The following KLRG1 variants were observed in gnomAD, a reference collection of about 807,000 sequenced individuals.
KLRG1 encodes the protein killer cell lectin-like receptor subfamily G member 1.
A neutral mutation model predicts 21.8 loss-of-function variants in KLRG1; 16 were observed. That is an observed-to-expected ratio of 0.73 (90% CI 0.50 to 1.11). The LOEUF (loss-of-function observed/expected upper bound fraction) is 1.11, where lower values mean the gene tolerates loss of function less well. Among genes scored for constraint, KLRG1 ranks in the 50% most tolerant of loss-of-function variants. The pLI is 0.00. For synonymous variants in KLRG1, 69 were observed against 75.9 expected (o/e 0.91, Z 0.47); for missense variants, 173 against 218.3 (o/e 0.79, Z 1.31).
the KLRG1 span, among the ~76,000 whole-genome samples, chr12:9,173,493 T>C: frequency 6.6e-6 from 1 of 151,926 alleles, no homozygotes; most frequent in Non-Finnish European, 1.5e-5. Context: ...CTGAAGGAGA[T>C]AGAGACATGA....
chr12:9,173,450 A>G, the KLRG1 span, among the ~76,000 whole-genome samples: 1,053 of 152,340 alleles, frequency 6.9e-3, 13 homozygotes, highest in African/African-American at 0.024. Context: ...CAAAGCTAGC[A>G]GAAGACAAGA....
chr12:9,184,709 G>C, the KLRG1 span, among the ~76,000 whole-genome samples: 1 of 152,208 alleles, frequency 6.6e-6, no homozygotes, highest in African/African-American at 2.4e-5. Flanking sequence ...TCCCTTCAGT[G>C]CAACATGTTC....
At chr12:9,052,635 G>A in the KLRG1 span, among the ~76,000 whole-genome samples, 9 of 152,266 alleles carry the variant, frequency 5.9e-5, no homozygotes, top group East Asian at 3.9e-4. Context: ...AGAGACAGCC[G>A]TCTCCTTCCT....
intron 1 of KLRG1, among the ~76,000 whole-genome samples, chr12:8,951,034 TA>T (rs3834490): frequency 0.37 from 55,602 of 148,406 alleles, 11,277 homozygotes; most frequent in Middle Eastern, 0.47. Flanking sequence ...GTTGCCCCAA[TA>T]AAAAAAAAAA....
the KLRG1 span, chr12:9,036,196 C>G: frequency 1.3e-5 from 2 of 152,222 alleles, no homozygotes; most frequent in Non-Finnish European, 2.9e-5. Context: ...TTAGAAGAAG[C>G]TAAGGTTAAT....
chr12:9,091,291 A>G, the KLRG1 span: 1 of 1,614,194 alleles, frequency 6.2e-7, no homozygotes, highest in East Asian at 2.2e-5. Context: ...TGAGCTCCAC[A>G]AAGAAGGGCT....
chr12:9,161,926 T>C, the KLRG1 span, among the ~76,000 whole-genome samples: 1 of 152,280 alleles, frequency 6.6e-6, no homozygotes, highest in East Asian at 1.9e-4. Flanking sequence ...TTCAAACTTA[T>C]CATGACCCTG....
At chr12:9,213,113 A>C in the KLRG1 span, among the ~76,000 whole-genome samples, 1 of 152,172 alleles carries the variant, frequency 6.6e-6, no homozygotes, top group Non-Finnish European at 1.5e-5. Flanking sequence ...ATGTTTTCAA[A>C]GTTCTTCCAT....
At chr12:9,114,763 G>A in the KLRG1 span, among the ~76,000 whole-genome samples, 1 of 151,694 alleles carries the variant, frequency 6.6e-6, no homozygotes, top group Admixed American at 6.6e-5. Context: ...TATGTGGGTA[G>A]GTAAATTTAA....
the KLRG1 span, chr12:9,112,170 G>T: frequency 1.2e-6 from 2 of 1,613,588 alleles, no homozygotes; most frequent in African/African-American, 1.3e-5. Context: ...AACTCATTCA[G>T]GGGGTGAAAG....
the KLRG1 span, chr12:9,168,967 C>G: frequency 6.2e-7 from 1 of 1,611,862 alleles, no homozygotes; most frequent in East Asian, 2.2e-5. Flanking sequence ...CACCTTCAAT[C>G]CCATCCCCTG....
At chr12:9,129,245 G>A in the KLRG1 span, among the ~76,000 whole-genome samples, 1,616 of 152,000 alleles carry the variant, frequency 0.011, 30 homozygotes, top group African/African-American at 0.037. Context: ...TTTTATTGAA[G>A]GCATTCATTA....
the KLRG1 span, among the ~76,000 whole-genome samples, chr12:9,056,704 A>G: frequency 6.6e-6 from 1 of 152,098 alleles, no homozygotes; most frequent in Non-Finnish European, 1.5e-5. Flanking sequence ...GTGTACCAGC[A>G]TGCTGGCTGA....
At chr12:9,194,700 G>A in the KLRG1 span, among the ~76,000 whole-genome samples, 1 of 152,178 alleles carries the variant, frequency 6.6e-6, no homozygotes, top group African/African-American at 2.4e-5. Context: ...GCCTGACCTC[G>A]TGATCTGCCC....
chr12:9,056,290 A>G, the KLRG1 span, among the ~76,000 whole-genome samples: 1 of 152,160 alleles, frequency 6.6e-6, no homozygotes. Flanking sequence ...GGGGAAATAT[A>G]TAGACATGGT....
At chr12:9,096,678 CTGAT>C in the KLRG1 span, among the ~76,000 whole-genome samples, 1 of 152,180 alleles carries the variant, frequency 6.6e-6, no homozygotes, top group African/African-American at 2.4e-5. Flanking sequence ...GAGTTTAAAA[CTGAT>C]TGACAAGAAC....
chr12:9,027,563 A>G, the KLRG1 span: 1 of 1,009,408 alleles, frequency 9.9e-7, no homozygotes, highest in East Asian at 2.4e-5. Flanking sequence ...TGCTGCTGCT[A>G]CTAGAACCAC....
downstream of KLRG1, among the ~76,000 whole-genome samples, chr12:9,013,111 G>C (rs1478471383): frequency 6.6e-6 from 1 of 152,170 alleles, no homozygotes; most frequent in Admixed American, 6.5e-5. Flanking sequence ...CACCAAGGTG[G>C]TACTTCTATA....
In KLRG1 at chr12:9,010,091, TGG is replaced by T; in HGVS notation, c.*556_*557del. 7.3e-7 allele frequency: 1 copy of T among 1,372,996 alleles called. No individual in the cohort carries two copies. Among genetic ancestry groups the T allele is most frequent in the East Asian group, 2.5e-5 (1 of 39,958 alleles). The allele number at this position is 1,372,996 out of a possible 1,614,324, so 85.1% of individuals were successfully genotyped here. ...GTCCTAGCTATTTGGGAAGCTGAGG[TGG>T]GAGGGTCGCTTGAGCCCAGGAGTTT... is the stretch of plus-strand genomic sequence containing the variant. On this transcript the variant is annotated 3_prime_UTR_variant, in exon 5 of 5. Transcript: ENST00000356986.
Sources: allele counts gnomAD v4.1 joint callset (sites outside exome capture counted in the v4.1 genomes callset), GRCh38; gene constraint gnomAD v4.1.1; transcripts MANE v1.5; gene names NCBI Gene and HGNC (gene_info 2026-07-23, HGNC 2026-07-21).